ATRNL1: variants seen among roughly 807,000 people sequenced by gnomAD.
ATRNL1 encodes the protein attractin like 1, also known as attractin-like protein 1.
ATRNL1 carries 95 observed loss-of-function variants against 182.7 expected under a neutral mutation model. The ratio of observed to expected loss-of-function variants is 0.52; its 90% confidence interval spans 0.44 to 0.62. ATRNL1 has a LOEUF of 0.62. Among genes scored for constraint, ATRNL1 ranks in the 20% least tolerant of loss-of-function variants. The pLI, the probability that ATRNL1 is intolerant of heterozygous loss-of-function variation, is 0.00. For synonymous variants in ATRNL1, 576 were observed against 568.3 expected, an observed-to-expected ratio of 1.01 and a Z score of -0.19; for missense variants, 1,471 against 1,679.5, an observed-to-expected ratio of 0.88 and a Z score of 2.17.
intron 27 of ATRNL1, among the ~76,000 whole-genome samples, chr10:115,810,653 A>G (rs1950026536): frequency 6.6e-6 from 1 of 151,830 alleles, no homozygotes; most frequent in Non-Finnish European, 1.5e-5. Flanking sequence ...AATATATATA[A>G]TATTCTTTAA....
At chr10:115,302,485 T>C (rs1853522423) in intron 17 of ATRNL1, among the ~76,000 whole-genome samples, 2 of 152,200 alleles carry the variant, frequency 1.3e-5, no homozygotes. Context: ...GTCTAATTTT[T>C]CCCTCATGAT....
intron 19 of ATRNL1, among the ~76,000 whole-genome samples, chr10:115,375,526 G>A (rs899524319): frequency 6.6e-5 from 10 of 151,896 alleles, no homozygotes; most frequent in African/African-American, 2.4e-4. Context: ...TGATTGTTTT[G>A]TAGTTCTTTT....
At chr10:115,515,249 G>A (rs73373310) in intron 24 of ATRNL1, among the ~76,000 whole-genome samples, 4,194 of 149,802 alleles carry the variant, frequency 0.028, 228 homozygotes, top group African/African-American at 0.098. Flanking sequence ...TCATTTACCC[G>A]TACCAGTTTA....
rs573991103 is a variant in ATRNL1, at chr10:115,419,209, G to A, written c.3270-7041G>A. On this transcript the variant is annotated intron_variant, in intron 20 of 28. Coordinates refer to ENST00000355044, the MANE Select transcript of ATRNL1 (RefSeq NM_207303.4). ...TGCGATCAAAATTAAGTTTTTATTG[G>A]TTTAAAATAACTTATTATGACTATA... 8.6e-5 allele frequency among the ~76,000 whole-genome samples: 13 copies of A among 151,978 alleles called. No individual in the cohort carries two copies. In the South Asian group the frequency reaches 2.3e-3, roughly 27 times the overall value.
In ATRNL1 at chr10:115,200,525, A is replaced by G. The variant is rs574765027; in HGVS notation, c.1349-15172A>G. Among the ~76,000 whole-genome samples, 349 of 148,654 alleles carry G rather than the reference A, an allele frequency of 2.3e-3. 2 individuals are homozygous for G. Among genetic ancestry groups the G allele is most frequent in the East Asian group, 6.0e-4 (3 of 5,022 alleles). On this transcript the variant is annotated intron_variant, in intron 8 of 28. Transcript: ENST00000355044. ...AGTTTACTGAGAATGATGATTTCCA[A>G]TTTCATCCATGTCCCTACAAAGGAC...
At chr10:115,421,209 C>T (rs781918636) in intron 20 of ATRNL1, among the ~76,000 whole-genome samples, 1 of 152,104 alleles carries the variant, frequency 6.6e-6, no homozygotes, top group African/African-American at 2.4e-5. Context: ...GCCAGCATTA[C>T]CCTGATAACA....
intron 26 of ATRNL1, among the ~76,000 whole-genome samples, chr10:115,675,361 C>T (rs1431734004): frequency 2.6e-5 from 4 of 151,818 alleles, no homozygotes; most frequent in Non-Finnish European, 5.9e-5. Context: ...CAGAGCAAGA[C>T]CCTGTCTCTT....
intron 27 of ATRNL1, among the ~76,000 whole-genome samples, chr10:115,828,053 C>T (rs544371174): frequency 1.3e-5 from 2 of 152,274 alleles, no homozygotes; most frequent in South Asian, 2.1e-4. Context: ...CACGGGGGCT[C>T]ACGCCTGTAA....
At chr10:115,214,464 TACC>T (rs1422734115) in intron 8 of ATRNL1, among the ~76,000 whole-genome samples, 1 of 152,070 alleles carries the variant, frequency 6.6e-6, no homozygotes, top group Non-Finnish European at 1.5e-5. Flanking sequence ...ATAGATTAAG[TACC>T]AGTGGCTTGG....
At chr10:115,710,588 CAGAG>C (rs1233352737) in intron 26 of ATRNL1, among the ~76,000 whole-genome samples, 3 of 151,968 alleles carry the variant, frequency 2.0e-5, no homozygotes, top group African/African-American at 7.3e-5. Flanking sequence ...TTTGAGAAGA[CAGAG>C]AGAATAGTAA....
At chr10:115,486,779 T>C (rs965527465) in intron 24 of ATRNL1, among the ~76,000 whole-genome samples, 7 of 152,182 alleles carry the variant, frequency 4.6e-5, no homozygotes, top group African/African-American at 1.7e-4. Context: ...TTTGTTGCAA[T>C]TGCTTTTTAT....
At chr10:115,490,397 C>G (rs528679489) in intron 24 of ATRNL1, among the ~76,000 whole-genome samples, 1 of 152,206 alleles carries the variant, frequency 6.6e-6, no homozygotes, top group East Asian at 1.9e-4. Flanking sequence ...CTCATAATCC[C>G]TTATTTCTTG....
intron 26 of ATRNL1, among the ~76,000 whole-genome samples, chr10:115,662,261 A>T (rs1467350640): frequency 2.0e-5 from 3 of 152,078 alleles, no homozygotes; most frequent in Non-Finnish European, 4.4e-5. Flanking sequence ...GTCTTTATAG[A>T]TACCATCTCA....
intron 19 of ATRNL1, among the ~76,000 whole-genome samples, chr10:115,347,878 AT>A (rs1856048519): frequency 6.6e-6 from 1 of 152,198 alleles, no homozygotes; most frequent in Admixed American, 6.5e-5. Flanking sequence ...CTATGGAAAA[AT>A]ATAACAATGT....
At chr10:115,553,212 T>A (rs1489409047) in intron 26 of ATRNL1, among the ~76,000 whole-genome samples, 3 of 151,240 alleles carry the variant, frequency 2.0e-5, no homozygotes, top group Non-Finnish European at 3.0e-5. Flanking sequence ...TACAAGAAGT[T>A]AATTTTTTTC....
intron 9 of ATRNL1, among the ~76,000 whole-genome samples, chr10:115,233,661 A>G (rs1449342420): frequency 6.6e-6 from 1 of 152,104 alleles, no homozygotes; most frequent in Non-Finnish European, 1.5e-5. Context: ...TGGGTTTTTT[A>G]GATATCATTA....
intron 26 of ATRNL1, among the ~76,000 whole-genome samples, chr10:115,615,855 C>T (rs1238566779): frequency 6.6e-6 from 1 of 152,142 alleles, no homozygotes; most frequent in Non-Finnish European, 1.5e-5. Flanking sequence ...TTATAAATTA[C>T]CCAGTCACAG....
intron 21 of ATRNL1, among the ~76,000 whole-genome samples, chr10:115,432,466 A>G (rs186817940): frequency 1.5e-4 from 23 of 152,306 alleles, no homozygotes; most frequent in Admixed American, 3.9e-4. Flanking sequence ...TGCTTAAAAA[A>G]GAAAAGGACA....
chr10:115,279,734 C>G (rs1024172495), intron 13 of ATRNL1, among the ~76,000 whole-genome samples: 23 of 152,100 alleles, frequency 1.5e-4, no homozygotes, highest in Non-Finnish European at 1.5e-5. Flanking sequence ...CCTCTTTATT[C>G]TATAGTTAAA....
Sources: gnomAD v4.1 joint callset for allele counts (sites outside exome capture counted in the v4.1 genomes callset) on GRCh38, gnomAD v4.1.1 for gene constraint, MANE v1.5 for transcripts, NCBI Gene and HGNC (gene_info 2026-07-23, HGNC 2026-07-21) for gene names.